Variants in SSH2 observed in about 807,000 individuals in gnomAD.
The protein encoded by SSH2 is slingshot protein phosphatase 2, also known as protein phosphatase Slingshot homolog 2.
A neutral mutation model predicts 135.2 loss-of-function variants in SSH2; 37 were observed. The observed-to-expected ratio is 0.27, with a 90% CI of 0.21 to 0.36. The LOEUF is 0.36. Among genes scored for constraint, SSH2 ranks in the 10% least tolerant of loss-of-function variants. The pLI is 1.00. For synonymous variants in SSH2, 628 were observed against 646.2 expected (o/e 0.97, Z 0.43); for missense variants, 1,408 against 1,765.3 (o/e 0.80, Z 3.63).
At chr17:29,726,006 A>G (rs771663913) in intron 3 of SSH2, among the ~76,000 whole-genome samples, 8 of 152,240 alleles carry the variant, frequency 5.3e-5, no homozygotes, top group Non-Finnish European at 1.2e-4. Flanking sequence ...AATGCTGTGA[A>G]GTAAGCAGTG....
chr17:29,915,827 T>TTA (rs1555543800), intron 1 of SSH2, among the ~76,000 whole-genome samples: 3 of 151,574 alleles, frequency 2.0e-5, no homozygotes, highest in African/African-American at 7.3e-5. Context: ...TTTAAATTTT[T>TTA]TATATATATA....
chr17:29,664,234 G>A (rs1004394756), intron 11 of SSH2, among the ~76,000 whole-genome samples: 15 of 152,092 alleles, frequency 9.9e-5, no homozygotes, highest in African/African-American at 2.2e-4. Context: ...TTAGCCAGGC[G>A]TGGTAGTGTG....
chr17:29,709,318 T>C (rs1437267464), intron 3 of SSH2, among the ~76,000 whole-genome samples: 2 of 152,130 alleles, frequency 1.3e-5, no homozygotes, highest in African/African-American at 2.4e-5. Context: ...CTTTATGATA[T>C]AGTTTATGGC....
At chr17:29,899,359 T>C (rs944387322) in intron 1 of SSH2, among the ~76,000 whole-genome samples, 5 of 152,216 alleles carry the variant, frequency 3.3e-5, no homozygotes, top group South Asian at 2.1e-4. Flanking sequence ...GCAGATGACA[T>C]GATTGTATGT....
At chr17:29,899,800 C>G (rs966295828) in intron 1 of SSH2, among the ~76,000 whole-genome samples, 1 of 152,086 alleles carries the variant, frequency 6.6e-6, no homozygotes, top group Non-Finnish European at 1.5e-5. Context: ...TCATGTGGAA[C>G]CAAAAAAGAG....
At chr17:29,709,013 T>TAGAGAGAG (rs779414759) in intron 3 of SSH2, among the ~76,000 whole-genome samples, 32 of 88,160 alleles carry the variant, frequency 3.6e-4, no homozygotes, top group African/African-American at 9.2e-4. Flanking sequence ...TATATATATA[T>TAGAGAGAG]ATAGAGAGAG....
chr17:29,755,223 A>AT (rs1017996111), intron 3 of SSH2, among the ~76,000 whole-genome samples: 3 of 152,176 alleles, frequency 2.0e-5, no homozygotes, highest in Non-Finnish European at 4.4e-5. Flanking sequence ...ACTTTTTATG[A>AT]TCATTCTCAT....
intron 3 of SSH2, among the ~76,000 whole-genome samples, chr17:29,732,998 T>A (rs1021849298): frequency 1.3e-5 from 2 of 152,170 alleles, no homozygotes; most frequent in Admixed American, 1.3e-4. Context: ...GGGTAAAATG[T>A]TCAGCAGTTT....
At chr17:29,680,157 A>C (rs1445494939) in intron 6 of SSH2, among the ~76,000 whole-genome samples, 4 of 152,178 alleles carry the variant, frequency 2.6e-5, no homozygotes, top group African/African-American at 9.7e-5. Context: ...ATGCTTTAAA[A>C]ACAACATAAT....
intron 14 of SSH2, chr17:29,643,341 T>G (rs745676574): frequency 3.9e-4 from 359 of 930,666 alleles, no homozygotes; most frequent in Non-Finnish European, 4.3e-4. Context: ...CTGATTTGAT[T>G]TGGGTGTTCA....
intron 1 of SSH2, among the ~76,000 whole-genome samples, chr17:29,901,600 A>C (rs909563470): frequency 6.6e-6 from 1 of 152,172 alleles, no homozygotes; most frequent in African/African-American, 2.4e-5. Flanking sequence ...GATTAACAAG[A>C]AATGGTTCTT....
At chr17:29,802,781 G>T (rs1170205384) in intron 2 of SSH2, among the ~76,000 whole-genome samples, 1 of 152,058 alleles carries the variant, frequency 6.6e-6, no homozygotes, top group African/African-American at 2.4e-5. Context: ...AGGTATTGGG[G>T]GTTAAGGCTA....
chr17:29,631,415 T>C lies in SSH2; in HGVS notation c.3779A>G (p.Glu1260Gly). The change falls in exon 16 of 16, where the codon GAG becomes GGG. Residue 1260 changes from glutamate (E) to glycine (G), a missense_variant. Transcript: ENST00000540801. ...SLSHSPGVVKERAKEIESRVV... is the reference protein window; with the variant it reads ...SLSHSPGVVKGRAKEIESRVV... ...TCGAGACTCGATTTCTTTAGCACGC[T>C]CCTTCACCACACCGGGGCTGTGGCT... The C allele has an allele frequency of 6.2e-7, 1 of 1,614,162 alleles. No homozygotes were observed.
intron 6 of SSH2, 86 bp downstream of exon 6, chr17:29,684,477 C>T: frequency 8.3e-7 from 1 of 1,210,506 alleles, no homozygotes; most frequent in South Asian, 1.4e-5. Flanking sequence ...GACACTCCGT[C>T]CCCATTAAAA....
intron 5 of SSH2, among the ~76,000 whole-genome samples, chr17:29,686,528 A>AT (rs754504171): frequency 0.017 from 2,340 of 140,794 alleles, 46 homozygotes; most frequent in African/African-American, 0.054. Flanking sequence ...CGCCCGGCTA[A>AT]TTTTTTTTTT....
chr17:29,648,431 C>T, intron 13 of SSH2, 87 bp from the exon 14 acceptor site: 1 of 1,071,128 alleles, frequency 9.3e-7, no homozygotes, highest in East Asian at 2.6e-5. Context: ...TTCCAAGTGT[C>T]CTGTCCTGCT....
chr17:29,749,539 A>G (rs576577700), intron 3 of SSH2, among the ~76,000 whole-genome samples: 14 of 152,276 alleles, frequency 9.2e-5, no homozygotes, highest in African/African-American at 3.1e-4. Flanking sequence ...TGTGGTATAG[A>G]AGATAAAAAG....
At chr17:29,745,712 C>CT (rs1459358538) in intron 3 of SSH2, among the ~76,000 whole-genome samples, 1 of 152,146 alleles carries the variant, frequency 6.6e-6, no homozygotes, top group Non-Finnish European at 1.5e-5. Context: ...GTGTGCCACT[C>CT]TAATTATTTC....
At chr17:29,809,858 T>C (rs1294595162) in intron 2 of SSH2, among the ~76,000 whole-genome samples, 1 of 152,118 alleles carries the variant, frequency 6.6e-6, no homozygotes, top group African/African-American at 2.4e-5. Context: ...CCACCAGCCC[T>C]ACTTATCTTT....
Sources: gnomAD v4.1 joint callset for allele counts (sites outside exome capture counted in the v4.1 genomes callset) on GRCh38, gnomAD v4.1.1 for gene constraint, MANE v1.5 for transcripts, NCBI Gene and HGNC (gene_info 2026-07-23, HGNC 2026-07-21) for gene names.